DLGAP1: variants seen among roughly 807,000 people sequenced by gnomAD.
DLGAP1 encodes DLG associated protein 1.
A neutral mutation model predicts 90.8 loss-of-function variants in DLGAP1; 11 were observed. The observed-to-expected ratio is 0.12, with a 90% CI of 0.08 to 0.20. DLGAP1 has a LOEUF of 0.20. Ranked by LOEUF, DLGAP1 falls within the 10% of genes least tolerant of loss-of-function variation. The pLI, the probability that DLGAP1 is intolerant of heterozygous loss-of-function variation, is 1.00. For missense variants in DLGAP1, 1,050 were observed against 1,333.8 expected, an observed-to-expected ratio of 0.79 and a Z score of 3.31; for synonymous variants, 558 against 540.7, an observed-to-expected ratio of 1.03 and a Z score of -0.44.
intron 9 of DLGAP1, among the ~76,000 whole-genome samples, chr18:3,558,682 A>G (rs910934262): frequency 7.9e-5 from 12 of 151,252 alleles, no homozygotes; most frequent in Admixed American, 7.9e-4. Flanking sequence ...TAATATTTCT[A>G]CTCCCACTTT....
intron 3 of DLGAP1, among the ~76,000 whole-genome samples, chr18:3,974,014 C>G (rs570293432): frequency 1.3e-5 from 2 of 152,280 alleles, no homozygotes; most frequent in East Asian, 3.9e-4. Context: ...AATTGTAACA[C>G]CGTGGGAAGT....
At chr18:3,550,007 G>A (rs1263752042) in intron 9 of DLGAP1, among the ~76,000 whole-genome samples, 3 of 152,056 alleles carry the variant, frequency 2.0e-5, no homozygotes, top group South Asian at 2.1e-4. Flanking sequence ...TCCACCTTTC[G>A]GGTTCAAGCG....
At position 4,269,638 on chromosome 18, in the gene DLGAP1, G is replaced by A. The variant is rs150386452; in HGVS notation, c.-266-118351C>T. Among the ~76,000 whole-genome samples the A allele has an allele frequency of 5.8e-3, 875 of 152,160 alleles. 8 individuals are homozygous for A. Among genetic ancestry groups the A allele is most frequent in the African/African-American group, 0.02 (838 of 41,540 alleles). ...CAAAGTGCTGGCATTACAGGCGTGA[G>A]CCACCGCGCCCGGCCATATTCTATT... On this transcript the variant is annotated intron_variant, in intron 1 of 12. Transcript: ENST00000315677.
intron 1 of DLGAP1, among the ~76,000 whole-genome samples, chr18:4,364,454 A>G (rs568023220): frequency 6.6e-6 from 1 of 152,290 alleles, no homozygotes; most frequent in South Asian, 2.1e-4. Flanking sequence ...ACAATCATCA[A>G]TATGTATACA....
chr18:4,119,908 C>A (rs1406051059), intron 2 of DLGAP1, among the ~76,000 whole-genome samples: 1 of 152,024 alleles, frequency 6.6e-6, no homozygotes, highest in Non-Finnish European at 1.5e-5. Context: ...GACATAGGCA[C>A]CTATTTATTT....
At chr18:3,833,353 C>G (rs2068174650) in intron 4 of DLGAP1, among the ~76,000 whole-genome samples, 1 of 151,916 alleles carries the variant, frequency 6.6e-6, no homozygotes, top group African/African-American at 2.4e-5. Context: ...TCCACTTCAG[C>G]CTCCTGAGTA....
intron 6 of DLGAP1, among the ~76,000 whole-genome samples, chr18:3,736,155 A>C (rs901530970): frequency 1.5e-4 from 23 of 152,208 alleles, no homozygotes; most frequent in Admixed American, 5.2e-4. Context: ...ATTCCAGATG[A>C]AAATACCTAG....
chr18:4,279,201 T>G (rs181428654), intron 1 of DLGAP1, among the ~76,000 whole-genome samples: 1 of 152,364 alleles, frequency 6.6e-6, no homozygotes, highest in Admixed American at 6.5e-5. Context: ...TCTGTGTTTC[T>G]TCTAACATGA....
chr18:3,592,587 C>T (rs1248305831), intron 7 of DLGAP1, among the ~76,000 whole-genome samples: 9 of 151,742 alleles, frequency 5.9e-5, no homozygotes, highest in African/African-American at 2.2e-4. Context: ...ACCTGTAATC[C>T]CAGCACTTTG....
chr18:4,388,881 G>A lies in DLGAP1; in HGVS notation c.-267+66125C>T, dbSNP rs150962261. 7.8e-3 allele frequency among the ~76,000 whole-genome samples: 1,193 copies of A among 152,288 alleles called. 12 individuals carry two copies. The highest frequency in any genetic ancestry group is 0.017 in the Middle Eastern group (5 of 294). ...AGAAAATAATGTCAGTGAGGATGTG[G>A]AGAAACTGGAGCCCTTGTCTACTGT... On this transcript the variant is annotated intron_variant, in intron 1 of 12. Coordinates refer to ENST00000315677, the MANE Select transcript of DLGAP1 (RefSeq NM_004746.4).
At chr18:4,327,306 A>C (rs1395382272) in intron 1 of DLGAP1, among the ~76,000 whole-genome samples, 1 of 152,074 alleles carries the variant, frequency 6.6e-6, no homozygotes, top group Non-Finnish European at 1.5e-5. Context: ...CATATATCAA[A>C]ACATCACATT....
chr18:4,221,259 G>A (rs1406920315), intron 1 of DLGAP1, among the ~76,000 whole-genome samples: 1 of 151,944 alleles, frequency 6.6e-6, no homozygotes, highest in African/African-American at 2.4e-5. Flanking sequence ...TCCCTTGCCT[G>A]TTATAATTAA....
At chr18:3,940,069 A>T (rs1262064991) in intron 3 of DLGAP1, among the ~76,000 whole-genome samples, 1 of 152,208 alleles carries the variant, frequency 6.6e-6, no homozygotes, top group East Asian at 1.9e-4. Flanking sequence ...CATAAGAGAC[A>T]TTTTGGCTTA....
At position 3,526,878 on chromosome 18, in the gene DLGAP1, C is replaced by T. The variant is rs938923128; in HGVS notation, c.2479+7316G>A. On this transcript the variant is annotated intron_variant, in intron 10 of 12. Coordinates refer to ENST00000315677, the MANE Select transcript of DLGAP1 (RefSeq NM_004746.4). The surrounding 1 kb of genome is among the most constrained non-coding windows in gnomAD (Gnocchi z 4.7). Reference sequence around the variant, plus strand: ...CAAGGGCTTCATTGTCTGAGAAGAGCTCGTATCATTTTACTTCAAGTGCTG... The same window carrying T: ...CAAGGGCTTCATTGTCTGAGAAGAGTTCGTATCATTTTACTTCAAGTGCTG... 6.6e-6 allele frequency among the ~76,000 whole-genome samples: 1 copy of T among 152,108 alleles called. No individual in the cohort carries two copies. The highest frequency in any genetic ancestry group is 1.5e-5 in the Non-Finnish European group (1 of 68,030).
At chr18:4,450,984 A>G (rs2083812283) in intron 1 of DLGAP1, among the ~76,000 whole-genome samples, 1 of 152,370 alleles carries the variant, frequency 6.6e-6, no homozygotes, top group East Asian at 1.9e-4. Flanking sequence ...ATAGATCCAC[A>G]GGGCTTCCTT....
At chr18:3,681,658 T>C (rs954669684) in intron 7 of DLGAP1, among the ~76,000 whole-genome samples, 1 of 152,094 alleles carries the variant, frequency 6.6e-6, no homozygotes, top group Non-Finnish European at 1.5e-5. Context: ...AGTCACATGG[T>C]TTGGATCTGT....
At chr18:3,799,062 C>T (rs765189041) in intron 5 of DLGAP1, among the ~76,000 whole-genome samples, 9 of 152,072 alleles carry the variant, frequency 5.9e-5, no homozygotes, top group African/African-American at 9.7e-5. Context: ...TTAGTACAGA[C>T]GGGGGGTTTT....
At chr18:3,987,710 T>C (rs1317214499) in intron 3 of DLGAP1, among the ~76,000 whole-genome samples, 1 of 152,232 alleles carries the variant, frequency 6.6e-6, no homozygotes, top group Admixed American at 6.5e-5. Context: ...TTTAATGAAA[T>C]GTAATCATGA....
intron 1 of DLGAP1, among the ~76,000 whole-genome samples, chr18:4,235,616 G>T (rs980428783): frequency 4.6e-5 from 7 of 150,708 alleles, no homozygotes; most frequent in African/African-American, 1.7e-4. Context: ...TCTCTTATTT[G>T]ATTGAAAATA....
Sources: gnomAD v4.1 joint callset for allele counts (sites outside exome capture counted in the v4.1 genomes callset) on GRCh38, gnomAD v4.1.1 for gene constraint, Gnocchi (gnomAD v3.1) non-coding constraint, MANE v1.5 for transcripts, NCBI Gene and HGNC (gene_info 2026-07-23, HGNC 2026-07-21) for gene names.